Variants in TMC1 observed in about 807,000 individuals in gnomAD.
TMC1 encodes transmembrane channel-like protein 1.
TMC1 carries 84 observed loss-of-function variants against 105.8 expected under a neutral mutation model. The observed-to-expected ratio is 0.79, with a 90% CI of 0.67 to 0.95. TMC1 has a LOEUF of 0.95. Among genes scored for constraint, TMC1 ranks in the 40% least tolerant of loss-of-function variants. The pLI is 0.00. For missense variants in TMC1, 817 were observed against 914.1 expected (o/e 0.89, Z 1.37); for synonymous variants, 315 against 311.5 (o/e 1.01, Z -0.12).
At chr9:72,733,682 C>T (rs533003390) in intron 8 of TMC1, among the ~76,000 whole-genome samples, 2 of 152,286 alleles carry the variant, frequency 1.3e-5, no homozygotes, top group South Asian at 2.1e-4. Flanking sequence ...TTCCACCACA[C>T]ATTTAATGCC....
intron 9 of TMC1, 139 bp from the exon 10 acceptor site, chr9:72,742,305 C>T (rs1052719928): frequency 9.6e-6 from 7 of 725,660 alleles, no homozygotes; most frequent in Non-Finnish European, 1.7e-5. Flanking sequence ...CTACTGTTTC[C>T]CCCTTTGACT....
chr9:72,751,419 G>A (rs57467160), intron 10 of TMC1, among the ~76,000 whole-genome samples: 14,864 of 152,262 alleles, frequency 0.098, 855 homozygotes, highest in Non-Finnish European at 0.14. Flanking sequence ...CTGAGAAAAG[G>A]AAGAGAAAAT....
At chr9:72,647,916 C>G (rs866594917) in intron 4 of TMC1, among the ~76,000 whole-genome samples, 6 of 145,654 alleles carry the variant, frequency 4.1e-5, no homozygotes, top group African/African-American at 1.6e-4. Context: ...TTGTCCCTTT[C>G]TTTTCACTGA....
At chr9:72,787,013 C>G (rs1828178414) in intron 13 of TMC1, among the ~76,000 whole-genome samples, 2 of 150,134 alleles carry the variant, frequency 1.3e-5, no homozygotes, top group Admixed American at 1.3e-4. Context: ...ACCCTTTTGG[C>G]CTCCAAAAAA....
chr9:72,751,915 G>A lies in TMC1; in HGVS notation c.601G>A (p.Val201Ile). The A allele has an allele frequency of 6.2e-7, 1 of 1,613,564 alleles. No homozygotes were observed. Among genetic ancestry groups the A allele is most frequent in the Non-Finnish European group, 8.5e-7 (1 of 1,179,654 alleles). Residue 201 changes from valine (V) to isoleucine (I), a missense_variant, in exon 11 of 24, where the codon GTT (valine) becomes ATT (isoleucine). By Grantham distance (29) the Val-to-Ile change is conservative. Transcript: ENST00000297784. Reference sequence around the variant, plus strand: ...GAGATGGATGTATGGAGTCAATATGGTTCTCTTTATCCTGACATTTAGCCT... The same window carrying A: ...GAGATGGATGTATGGAGTCAATATGATTCTCTTTATCCTGACATTTAGCCT... ...FLRWMYGVNM[V>I]LFILTFSLIM...
intron 3 of TMC1, among the ~76,000 whole-genome samples, chr9:72,620,673 T>G (rs1978991): frequency 0.23 from 35,446 of 152,038 alleles, 4,401 homozygotes; most frequent in East Asian, 0.38. Context: ...CATGGGGTGA[T>G]TAATAAGTGA....
intron 1 of TMC1, among the ~76,000 whole-genome samples, chr9:72,536,612 G>A (rs1259576391): frequency 3.9e-5 from 6 of 152,160 alleles, no homozygotes; most frequent in Admixed American, 6.6e-5. Context: ...GATTACAGAC[G>A]TGAGCCACCG....
chr9:72,705,555 G>A (rs1418753092), intron 8 of TMC1, among the ~76,000 whole-genome samples: 1 of 152,110 alleles, frequency 6.6e-6, no homozygotes, highest in Non-Finnish European at 1.5e-5. Context: ...CAGACCTATG[G>A]TTTCTCTCTT....
chr9:72,708,778 C>G (rs1202226775), intron 8 of TMC1, among the ~76,000 whole-genome samples: 1 of 151,976 alleles, frequency 6.6e-6, no homozygotes, highest in African/African-American at 2.4e-5. Flanking sequence ...TCTGATTGGT[C>G]TGGCTAGTAC....
chr9:72,754,870 T>C lies in TMC1; in HGVS notation c.727T>C (p.Leu243=), dbSNP rs1827647013. Residue 243 remains leucine (L), a synonymous_variant, in exon 12 of 24, where the codon TTG becomes CTG. Coordinates refer to ENST00000297784, the MANE Select transcript of TMC1 (RefSeq NM_138691.3). ...EEASAANFGV[L]YDFNGLAQYS... ...GGCATCGGCAGCAAACTTTGGTGTG[T>C]TGTACGACTTCAATGTAAGTGTCTC... 1.9e-6 allele frequency: 3 copies of C among 1,613,634 alleles called. No individual in the cohort carries two copies. Among genetic ancestry groups the C allele is most frequent in the Admixed American group, 1.7e-5 (1 of 60,002 alleles).
intron 1 of TMC1, among the ~76,000 whole-genome samples, chr9:72,538,600 C>A (rs1382062912): frequency 1.3e-5 from 2 of 151,968 alleles, no homozygotes; most frequent in South Asian, 2.1e-4. Context: ...CCATGCCTGG[C>A]TAATTTTTTT....
chr9:72,619,822 TTA>T (rs1825210840), intron 3 of TMC1, among the ~76,000 whole-genome samples: 1 of 151,112 alleles, frequency 6.6e-6, no homozygotes, highest in Non-Finnish European at 1.5e-5. Context: ...AATTAATTAA[TTA>T]ATTAATTAAT....
intron 12 of TMC1, among the ~76,000 whole-genome samples, chr9:72,769,021 A>T (rs1349196496): frequency 6.6e-6 from 1 of 151,978 alleles, no homozygotes; most frequent in Non-Finnish European, 1.5e-5. Context: ...TCTTTCACTG[A>T]GAAGGTATGG....
chr9:72,594,461 A>G (rs1824687330), intron 2 of TMC1, among the ~76,000 whole-genome samples: 1 of 152,224 alleles, frequency 6.6e-6, no homozygotes, highest in South Asian at 2.1e-4. Flanking sequence ...TCTTAAATAA[A>G]TCTTTTTGGC....
intron 20 of TMC1, among the ~76,000 whole-genome samples, chr9:72,822,515 TGTGTG>T (rs899590437): frequency 5.2e-4 from 11 of 21,258 alleles, no homozygotes; most frequent in East Asian, 7.8e-4. Flanking sequence ...TTAATTCCGT[TGTGTG>T]TGTGTGTGTG....
intron 4 of TMC1, among the ~76,000 whole-genome samples, chr9:72,633,621 G>T (rs560693867): frequency 1.3e-5 from 2 of 152,070 alleles, no homozygotes; most frequent in Non-Finnish European, 2.9e-5. Context: ...TTTGAGGTGA[G>T]GATTAAATGA....
intron 2 of TMC1, among the ~76,000 whole-genome samples, chr9:72,615,817 G>A (rs565704479): frequency 1.3e-5 from 2 of 150,246 alleles, no homozygotes; most frequent in Admixed American, 6.7e-5. Context: ...TCAATGGCAC[G>A]ATCTTGGCTC....
At chr9:72,782,893 C>T (rs1454903246) in intron 13 of TMC1, among the ~76,000 whole-genome samples, 1 of 152,004 alleles carries the variant, frequency 6.6e-6, no homozygotes, top group Non-Finnish European at 1.5e-5. Context: ...AATGCTATTC[C>T]TATCAAAATA....
intron 3 of TMC1, among the ~76,000 whole-genome samples, chr9:72,626,749 G>A: frequency 6.6e-6 from 1 of 152,168 alleles, no homozygotes; most frequent in Non-Finnish European, 1.5e-5. Flanking sequence ...GGGGGCTAGG[G>A]AGTGATGGGG....
Sources: gnomAD v4.1 joint callset for allele counts (sites outside exome capture counted in the v4.1 genomes callset) on GRCh38, gnomAD v4.1.1 for gene constraint, MANE v1.5 for transcripts, NCBI Gene and HGNC (gene_info 2026-07-23, HGNC 2026-07-21) for gene names.